The following MAP3K15 variants were observed in gnomAD, a reference collection of about 807,000 sequenced individuals.
The protein encoded by MAP3K15 is mitogen-activated protein kinase kinase kinase 15.
In MAP3K15, 124 loss-of-function variants were observed where a neutral mutation model predicts 99.5. The observed-to-expected ratio is 1.25, with a 90% CI of 1.08 to 1.45. The LOEUF is 1.45. Ranked by LOEUF, MAP3K15 falls within the 40% of genes most tolerant of loss-of-function variation. The probability of loss-of-function intolerance (pLI) is 0.00; values close to 1 mark genes in which losing one functional copy is unlikely to be tolerated. For missense variants in MAP3K15, 1,242 were observed against 1,079.7 expected, an observed-to-expected ratio of 1.15 and a Z score of -2.11; for synonymous variants, 494 against 439.6, an observed-to-expected ratio of 1.12 and a Z score of -1.55.
At chrX:19,371,130 C>A (rs1390037059) in intron 23 of MAP3K15, 66 bp from the exon 24 acceptor site, 1 of 884,380 alleles carries the variant, frequency 1.1e-6, no homozygotes, top group East Asian at 3.5e-5. Flanking sequence ...GTGCATTGCA[C>A]GGAGAATCAC....
At chrX:19,445,193 C>G (rs2063986594) in intron 6 of MAP3K15, among the ~76,000 whole-genome samples, 1 of 110,944 alleles carries the variant, frequency 9.0e-6, no homozygotes. Flanking sequence ...CTAGGCTCAT[C>G]TCCCAAATAA....
At chrX:19,421,909 GAC>G (rs1735306471) in intron 9 of MAP3K15, among the ~76,000 whole-genome samples, 1 of 109,641 alleles carries the variant, frequency 9.1e-6, no homozygotes, top group Non-Finnish European at 1.9e-5. Context: ...TGACAAACCT[GAC>G]AAAAACAAGC....
chrX:19,488,834 A>G lies in MAP3K15; in HGVS notation c.495T>C (p.Ser165=), dbSNP rs745835742. The G allele has an allele frequency of 8.3e-7, 1 of 1,198,913 alleles. No homozygotes were observed. The highest frequency in any genetic ancestry group is 1.8e-5 in the South Asian group (1 of 56,695). The part of the protein sequence containing the change: ...YHDTDADTAL[S]LKDMVTQKNT... ...GAAGGTGAATACACTGTACCTTCAA[A>G]GAGAGAGCAGTGTCGGCATCGGTGT... The change falls in exon 2 of 29, where the codon TCT becomes TCC. Residue 165 remains serine (S), a synonymous_variant. Transcript: ENST00000338883.
chrX:19,458,898 C>G (rs1397534546), intron 5 of MAP3K15, among the ~76,000 whole-genome samples: 1 of 111,034 alleles, frequency 9.0e-6, no homozygotes, highest in Non-Finnish European at 1.9e-5. Context: ...CTGTGTTCCT[C>G]CAAAGGAAAG....
intron 5 of MAP3K15, among the ~76,000 whole-genome samples, chrX:19,458,439 G>A (rs1050452691): frequency 8.0e-5 from 9 of 112,164 alleles, no homozygotes; most frequent in Non-Finnish European, 1.3e-4. Context: ...AGCACTCTGG[G>A]AGGCCAAGGC....
At chrX:19,506,172 G>T (rs1302210678) in intron 1 of MAP3K15, among the ~76,000 whole-genome samples, 1 of 112,036 alleles carries the variant, frequency 8.9e-6, no homozygotes, top group Non-Finnish European at 1.9e-5. Context: ...GACCTCAGGT[G>T]ATCCACCCAC....
intron 6 of MAP3K15, among the ~76,000 whole-genome samples, chrX:19,453,224 G>C (rs760645581): frequency 9.0e-6 from 1 of 111,132 alleles, no homozygotes; most frequent in Non-Finnish European, 1.9e-5. Context: ...ACCAAGGCCG[G>C]GCACAGTGGC....
At chrX:19,469,551 G>A (rs1217989816) in intron 3 of MAP3K15, among the ~76,000 whole-genome samples, 1 of 110,266 alleles carries the variant, frequency 9.1e-6, no homozygotes, top group Non-Finnish European at 1.9e-5. Flanking sequence ...TTGACAAATG[G>A]GATCTAATTA....
chrX:19,419,047 A>G (rs1430216177), intron 9 of MAP3K15, among the ~76,000 whole-genome samples: 2 of 112,014 alleles, frequency 1.8e-5, no homozygotes. Context: ...AGCACTAAAC[A>G]TGGAAAGGAA....
chrX:19,385,121 C>T (rs1047386933), intron 18 of MAP3K15, among the ~76,000 whole-genome samples: 1 of 111,757 alleles, frequency 8.9e-6, no homozygotes, highest in Admixed American at 9.6e-5. Flanking sequence ...GGTCTTACAG[C>T]GTTTCTAAGG....
rs1261849868 is a variant in MAP3K15, at chrX:19,373,715, C to T, written c.2774-20G>A. ...GACCTTCTGTAGGGGGACAGCCAGA[C>T]ACCGAATGGGGAGACTCAGAGAGGG... On this transcript the variant is annotated intron_variant, in intron 20 of 28. Transcript: ENST00000338883. 1 of 1,190,785 alleles carries T rather than the reference C, an allele frequency of 8.4e-7. No homozygotes were observed. Among genetic ancestry groups the T allele is most frequent in the African/African-American group, 1.8e-5 (1 of 57,008 alleles).
chrX:19,387,467 G>A (rs1327926195), intron 18 of MAP3K15, among the ~76,000 whole-genome samples: 1 of 111,585 alleles, frequency 9.0e-6, no homozygotes, highest in African/African-American at 3.3e-5. Flanking sequence ...ACTCACTGCA[G>A]CCTCATTCTC....
At chrX:19,442,096 G>A (rs2063963453) in intron 6 of MAP3K15, among the ~76,000 whole-genome samples, 2 of 111,564 alleles carry the variant, frequency 1.8e-5, no homozygotes, top group Non-Finnish European at 3.8e-5. Context: ...AGGCGGCAGG[G>A]GTTCCCTCGG....
intron 11 of MAP3K15, among the ~76,000 whole-genome samples, chrX:19,412,418 G>A (rs956334899): frequency 6.3e-5 from 7 of 111,883 alleles, no homozygotes; most frequent in African/African-American, 1.6e-4. Flanking sequence ...GACACTCAGC[G>A]GAAGGAATGA....
At chrX:19,436,181 A>G (rs1024169589) in intron 6 of MAP3K15, among the ~76,000 whole-genome samples, 8 of 109,594 alleles carry the variant, frequency 7.3e-5, no homozygotes, top group African/African-American at 1.0e-4. Context: ...AAGAAAGAAA[A>G]AAAAAATTCA....
intron 3 of MAP3K15, among the ~76,000 whole-genome samples, chrX:19,474,292 G>A (rs2064226047): frequency 9.0e-6 from 1 of 111,088 alleles, no homozygotes; most frequent in East Asian, 2.8e-4. Context: ...TAGCAATGTA[G>A]TAAAGAATTC....
chrX:19,403,770 C>T (rs981899432), intron 13 of MAP3K15, among the ~76,000 whole-genome samples: 1 of 110,348 alleles, frequency 9.1e-6, no homozygotes, highest in African/African-American at 3.3e-5. Context: ...CCCAGCCTAG[C>T]CTAATCTTTA....
At chrX:19,380,580 C>T (rs749903085) in intron 18 of MAP3K15, among the ~76,000 whole-genome samples, 1 of 111,309 alleles carries the variant, frequency 9.0e-6, no homozygotes, top group South Asian at 3.8e-4. Context: ...GGCTGGAGTG[C>T]AGTGGCGTGA....
At chrX:19,442,406 T>C in intron 6 of MAP3K15, among the ~76,000 whole-genome samples, 1 of 111,937 alleles carries the variant, frequency 8.9e-6, no homozygotes, top group Non-Finnish European at 1.9e-5. Flanking sequence ...ATACGTTTAC[T>C]TTCTACTACC....
Sources: gnomAD v4.1 joint callset for allele counts (sites outside exome capture counted in the v4.1 genomes callset) on GRCh38, gnomAD v4.1.1 for gene constraint, MANE v1.5 for transcripts, NCBI Gene and HGNC (gene_info 2026-07-23, HGNC 2026-07-21) for gene names.